CSE1L: variants seen among roughly 807,000 people sequenced by gnomAD.
CSE1L encodes chromosome segregation 1 like, also known as exportin-2.
Under a neutral mutation model 120.4 loss-of-function variants are expected in CSE1L, and 24 were observed. That is an observed-to-expected ratio of 0.20 (90% CI 0.14 to 0.28). The LOEUF is 0.28. Ranked by LOEUF, CSE1L falls within the 10% of genes least tolerant of loss-of-function variation. The pLI, the probability that CSE1L is intolerant of heterozygous loss-of-function variation, is 1.00. For synonymous variants in CSE1L, 402 were observed against 398.3 expected, an observed-to-expected ratio of 1.01 and a Z score of -0.11; for missense variants, 830 against 1,145.2, an observed-to-expected ratio of 0.72 and a Z score of 3.97.
chr20:49,082,854 C>T (rs1228179108), intron 14 of CSE1L, among the ~76,000 whole-genome samples: 3 of 151,942 alleles, frequency 2.0e-5, no homozygotes, highest in Non-Finnish European at 4.4e-5. Context: ...AGGTCTTGCT[C>T]TGTTGCCCAG....
chr20:49,072,165 C>G, intron 8 of CSE1L, 121 bp from the exon 9 acceptor site: 1 of 1,068,016 alleles, frequency 9.4e-7, no homozygotes, highest in Admixed American at 2.5e-5. Flanking sequence ...CTGTAGTTTA[C>G]AATAACTGAT....
chr20:49,087,351 CT>C (rs11483071), intron 16 of CSE1L, among the ~76,000 whole-genome samples: 25,471 of 115,890 alleles, frequency 0.22, 2,188 homozygotes, highest in African/African-American at 0.24. Flanking sequence ...TTTTCTTTTT[CT>C]TTTTTTTTTT....
chr20:49,068,053 C>T, intron 6 of CSE1L, among the ~76,000 whole-genome samples: 1 of 150,784 alleles, frequency 6.6e-6, no homozygotes, highest in South Asian at 2.1e-4. Context: ...TGGGCCTGGC[C>T]AGTAAAACCT....
chr20:49,072,832 AAAATG>A, intron 10 of CSE1L, 135 bp downstream of exon 10: 2 of 926,786 alleles, frequency 2.2e-6, no homozygotes, highest in African/African-American at 1.7e-5. Context: ...ACCAAGACAG[AAAATG>A]TAGTATCTGT....
chr20:49,052,957 C>G (rs1034143490), intron 1 of CSE1L, among the ~76,000 whole-genome samples: 66 of 152,150 alleles, frequency 4.3e-4, no homozygotes, highest in African/African-American at 1.6e-3. Context: ...TATACAAATG[C>G]TAGAGAAACA....
chr20:49,095,515 A>G (rs1014300961), intron 24 of CSE1L, among the ~76,000 whole-genome samples: 1 of 151,742 alleles, frequency 6.6e-6, no homozygotes, highest in East Asian at 1.9e-4. Context: ...GGGTCTCCCT[A>G]TGTTGTTCAG....
intron 1 of CSE1L, among the ~76,000 whole-genome samples, chr20:49,056,963 A>G (rs1402990456): frequency 2.6e-5 from 4 of 152,102 alleles, no homozygotes; most frequent in East Asian, 3.8e-4. Context: ...TGTACAATAA[A>G]TCTCTTGAAC....
chr20:49,074,914 C>G (rs2091959000), intron 11 of CSE1L, 64 bp downstream of exon 11: 1 of 1,202,640 alleles, frequency 8.3e-7, no homozygotes, highest in Admixed American at 2.2e-5. Flanking sequence ...GGTTCTCTTT[C>G]TAGTAAATGG....
chr20:49,066,072 C>T, intron 3 of CSE1L, 120 bp from the exon 4 acceptor site: 1 of 804,408 alleles, frequency 1.2e-6, no homozygotes, highest in Non-Finnish European at 2.0e-6. Context: ...AAGACCAAAC[C>T]TTCCTCTATT....
chr20:49,060,544 G>A (rs972783074), intron 2 of CSE1L, among the ~76,000 whole-genome samples: 1 of 151,938 alleles, frequency 6.6e-6, no homozygotes, highest in Non-Finnish European at 1.5e-5. Context: ...GGGAAGCCCA[G>A]GAGGGCAGAT....
At chr20:49,082,818 G>C (rs979351916) in intron 14 of CSE1L, among the ~76,000 whole-genome samples, 1 of 151,582 alleles carries the variant, frequency 6.6e-6, no homozygotes, top group African/African-American at 2.4e-5. Context: ...ACCGTGCCTG[G>C]CCTTTTCTGT....
intron 14 of CSE1L, 62 bp downstream of exon 14, chr20:49,078,684 C>T: frequency 9.5e-7 from 1 of 1,056,938 alleles, no homozygotes; most frequent in Non-Finnish European, 1.4e-6. Context: ...TTATGTACCA[C>T]CTTCTCATCT....
At chr20:49,090,901 C>G (rs2092096120) in intron 20 of CSE1L, 36 bp from the exon 21 acceptor site, 1 of 1,596,816 alleles carries the variant, frequency 6.3e-7, no homozygotes. Flanking sequence ...CAGAAAAGTC[C>G]TAAATTTATA....
intron 11 of CSE1L, 101 bp from the exon 12 acceptor site, chr20:49,075,217 C>A: frequency 3.1e-6 from 3 of 959,428 alleles, no homozygotes; most frequent in Non-Finnish European, 4.6e-6. Context: ...GTTTTACAAT[C>A]GTAGCCAAAT....
chr20:49,057,663 C>T (rs2091819560), intron 1 of CSE1L, among the ~76,000 whole-genome samples: 1 of 151,908 alleles, frequency 6.6e-6, no homozygotes, highest in Non-Finnish European at 1.5e-5. Context: ...CGGAGTTTTG[C>T]TCTTATCGCC....
At chr20:49,094,115 A>T in intron 22 of CSE1L, 25 bp from the exon 23 acceptor site, 1 of 1,347,286 alleles carries the variant, frequency 7.4e-7, no homozygotes, top group Non-Finnish European at 1.0e-6. Context: ...ATCTAATATT[A>T]AGTTGATTTA....
At chr20:49,080,423 A>G (rs901229230) in intron 14 of CSE1L, among the ~76,000 whole-genome samples, 1 of 152,130 alleles carries the variant, frequency 6.6e-6, no homozygotes, top group Non-Finnish European at 1.5e-5. Flanking sequence ...CAGTGGATTC[A>G]GATGAAGGAG....
At chr20:49,068,033 C>T (rs371505271) in intron 6 of CSE1L, among the ~76,000 whole-genome samples, 8 of 147,416 alleles carry the variant, frequency 5.4e-5, no homozygotes, top group African/African-American at 2.0e-4. Context: ...GGGATTACAG[C>T]CTGTGCCACT....
intron 5 of CSE1L, 111 bp downstream of exon 5, chr20:49,066,621 G>A (rs2091894325): frequency 1.0e-6 from 1 of 971,858 alleles, no homozygotes; most frequent in African/African-American, 1.6e-5. Context: ...GATCATCTTG[G>A]AATGAGAGCA....
Sources: gnomAD v4.1 joint callset for allele counts (sites outside exome capture counted in the v4.1 genomes callset) on GRCh38, gnomAD v4.1.1 for gene constraint, MANE v1.5 for transcripts, NCBI Gene and HGNC (gene_info 2026-07-23, HGNC 2026-07-21) for gene names.